PLA2G4D: variants seen among roughly 807,000 people sequenced by gnomAD.
PLA2G4D encodes the protein phospholipase A2 group IVD.
Under a neutral mutation model 94.4 loss-of-function variants are expected in PLA2G4D, and 80 were observed. The observed-to-expected ratio is 0.85, with a 90% CI of 0.71 to 1.02. The LOEUF is 1.02. Ranked by LOEUF, PLA2G4D falls within the 50% of genes least tolerant of loss-of-function variation. PLA2G4D has a pLI of 0.00. For missense variants in PLA2G4D, 1,050 were observed against 1,034.7 expected (o/e 1.01, Z -0.20); for synonymous variants, 438 against 440.9 (o/e 0.99, Z 0.08).
At chr15:42,079,796 G>C (rs1248241982) in intron 12 of PLA2G4D, 37 bp from the exon 13 acceptor site, 10 of 1,570,932 alleles carry the variant, frequency 6.4e-6, no homozygotes, top group Non-Finnish European at 8.6e-6. Flanking sequence ...AGGAGCCCGA[G>C]GCCCAGCATG....
chr15:42,075,003 A>G (rs1889890023), intron 13 of PLA2G4D, among the ~76,000 whole-genome samples: 1 of 152,220 alleles, frequency 6.6e-6, no homozygotes, highest in African/African-American at 2.4e-5. Flanking sequence ...AACTCACTGC[A>G]GCCTCAACCT....
rs529998904 is a variant in PLA2G4D, at chr15:42,082,924, A to T, written c.672+274T>A. 2.6e-5 allele frequency among the ~76,000 whole-genome samples: 4 copies of T among 152,328 alleles called. No homozygotes were observed. In the South Asian group the frequency reaches 8.3e-4, roughly 32 times the overall value. On this transcript the variant is annotated intron_variant, in intron 8 of 19. Coordinates refer to ENST00000290472, the MANE Select transcript of PLA2G4D (RefSeq NM_178034.4). ...GAGGTGGACGGGTGCCAGGCTGTGC[A>T]GGGCCATGTGGGCACAGATGTCATG...
At chr15:42,083,981 G>A in intron 6 of PLA2G4D, 1 of 579,644 alleles carries the variant, frequency 1.7e-6, no homozygotes. Flanking sequence ...CAGCAGCCAG[G>A]AGGGCCCTGG....
chr15:42,081,889 T>G, intron 9 of PLA2G4D, 55 bp from the exon 10 acceptor site: 1 of 1,584,180 alleles, frequency 6.3e-7, no homozygotes. Context: ...AAGCGGCACA[T>G]GGGTATCCCT....
At chr15:42,077,976 G>A (rs1264207092) in intron 13 of PLA2G4D, among the ~76,000 whole-genome samples, 1 of 152,236 alleles carries the variant, frequency 6.6e-6, no homozygotes, top group Non-Finnish European at 1.5e-5. Context: ...TATCATGACA[G>A]TTTACTCATT....
chr15:42,071,296 G>A lies in PLA2G4D; in HGVS notation c.1703C>T (p.Ser568Leu), dbSNP rs200157738. Reference protein sequence around the residue: ...RSLEKEPLTTSGTSSRLEASW... With the variant: ...RSLEKEPLTTLGTSSRLEASW... ...GGCCTCCAGCCGCGAGGAGGTCCCC[G>A]AGGTGGTCAGGGGCTCCTTCTCTGA... The change falls in exon 17 of 20, where the codon TCG becomes TTG. Residue 568 changes from serine to leucine, a missense_variant. By Grantham distance (145) the Ser-to-Leu change is moderately radical. Coordinates refer to ENST00000290472, the MANE Select transcript of PLA2G4D (RefSeq NM_178034.4). 135 of 1,592,384 alleles carry A rather than the reference G, an allele frequency of 8.5e-5. No homozygotes were observed. Among genetic ancestry groups the A allele is most frequent in the Middle Eastern group, 1.7e-4 (1 of 5,954 alleles).
In PLA2G4D at chr15:42,081,624, T is replaced by C; in HGVS notation, c.822-10A>G. On this transcript the variant is annotated splice_polypyrimidine_tract_variant and intron_variant, in intron 10 of 19. Transcript: ENST00000290472. ...GGCCAGCTCCTCAGGGCTGTGGCAA[T>C]GGAGGATCCAGGGGTCAGGGGACAC... 1 of 1,613,784 alleles carries C rather than the reference T, an allele frequency of 6.2e-7. No homozygotes were observed. The highest frequency in any genetic ancestry group is 8.5e-7 in the Non-Finnish European group (1 of 1,179,776).
intron 3 of PLA2G4D, 62 bp from the exon 4 acceptor site, chr15:42,086,406 G>T: frequency 6.4e-7 from 1 of 1,555,534 alleles, no homozygotes; most frequent in Non-Finnish European, 8.8e-7. Context: ...GCTCACCTCT[G>T]TTGAGCCCTT....
In PLA2G4D at chr15:42,083,186, G is replaced by C. The variant is rs762262407; in HGVS notation, c.672+12C>G. 6.2e-7 allele frequency: 1 copy of C among 1,611,606 alleles called. No individual in the cohort carries two copies. The highest frequency in any genetic ancestry group is 2.2e-5 in the East Asian group (1 of 44,872). ...CCTAGGATTGCAAACGAGGTCTAGA[G>C]CCAAGACCCACCCTCAGGCGCCCGC... On this transcript the variant is annotated intron_variant, in intron 8 of 19. Coordinates refer to ENST00000290472, the MANE Select transcript of PLA2G4D (RefSeq NM_178034.4).
rs1038664153 is a variant in PLA2G4D at position 42,068,507 on chromosome 15, G to A, written c.*208C>T. 22 of 589,446 alleles carry A rather than the reference G, an allele frequency of 3.7e-5. No homozygotes were observed. Among genetic ancestry groups the A allele is most frequent in the South Asian group, 2.2e-4 (11 of 49,190 alleles). 36.5% of individuals were successfully genotyped at this position (589,446 alleles called of 1,614,324 possible). ...CAGCTGTTCTACACACTGGCCTGGC[G>A]AAGTTATTTTCAACTCATCTCAAGC... On this transcript the variant is annotated 3_prime_UTR_variant, in exon 20 of 20. Coordinates refer to ENST00000290472, the MANE Select transcript of PLA2G4D (RefSeq NM_178034.4).
chr15:42,083,635 C>A, intron 7 of PLA2G4D, 81 bp downstream of exon 7: 1 of 1,536,106 alleles, frequency 6.5e-7, no homozygotes, highest in Non-Finnish European at 9.0e-7. Context: ...TGCTGGCCTC[C>A]TGCCCTGCGC....
intron 8 of PLA2G4D, 87 bp from the exon 9 acceptor site, chr15:42,082,476 T>G: frequency 1.2e-6 from 1 of 837,332 alleles, no homozygotes; most frequent in East Asian, 2.5e-5. Context: ...ACAGACACAT[T>G]CTCCCTGATA....
intron 1 of PLA2G4D, among the ~76,000 whole-genome samples, chr15:42,093,549 G>C (rs988964086): frequency 1.3e-5 from 2 of 152,150 alleles, no homozygotes; most frequent in African/African-American, 4.8e-5. Context: ...TGTCTGACTC[G>C]TGGGTGGATC....
chr15:42,083,613 G>A, intron 7 of PLA2G4D, 103 bp downstream of exon 7: 1 of 1,402,204 alleles, frequency 7.1e-7, no homozygotes, highest in Non-Finnish European at 1.0e-6. Flanking sequence ...AGAGAGGCAA[G>A]CTCTACCCTG....
chr15:42,072,454 G>T, intron 13 of PLA2G4D, 62 bp from the exon 14 acceptor site: 4 of 1,365,848 alleles, frequency 2.9e-6, no homozygotes, highest in East Asian at 2.3e-5. Context: ...CAGTGGCTCC[G>T]CCAGGACAGG....
At chr15:42,071,654 A>ACCCCCCC in intron 15 of PLA2G4D, 103 bp from the exon 16 acceptor site, 2 of 1,393,888 alleles carry the variant, frequency 1.4e-6, no homozygotes, top group Non-Finnish European at 2.0e-6. Flanking sequence ...CCTACAATGC[A>ACCCCCCC]TCCCCCCCGC....
Position 42,079,727 on chromosome 15 carries a change from CA to C in PLA2G4D, c.1126del (p.Trp376GlyfsTer55). 1 of 1,606,894 alleles carries C rather than the reference CA, an allele frequency of 6.2e-7. No individual in the cohort carries two copies. Among genetic ancestry groups the C allele is most frequent in the Non-Finnish European group, 8.5e-7 (1 of 1,177,504 alleles). On this transcript the variant is annotated frameshift_variant, in exon 13 of 20. Coordinates refer to ENST00000290472, the MANE Select transcript of PLA2G4D (RefSeq NM_178034.4). LOFTEE classifies it high-confidence loss of function. ...AGGTCCCTCCAGGTCCCTCTGCGAC[CA>C]CTCAGGGTCCCCGTACAGGTGGGCC... ...TMAHLYGDPE[W>X]SQRDLEGPIR...
At chr15:42,068,989 A>G (rs951844375) in intron 19 of PLA2G4D, 48 bp from the exon 20 acceptor site, 1 of 1,536,784 alleles carries the variant, frequency 6.5e-7, no homozygotes, top group Admixed American at 1.9e-5. Context: ...CGGGGCTTCT[A>G]CAGCCTGGCA....
In PLA2G4D at chr15:42,082,353, C is replaced by T; in HGVS notation, c.709G>A (p.Ala237Thr). The T allele has an allele frequency of 1.2e-6, 2 of 1,614,160 alleles. No homozygotes were observed. The highest frequency in any genetic ancestry group is 3.3e-5 in the Admixed American group (2 of 60,022). ...RSNGWNGDNS[A>T]GYLTVPLRPL... The stretch of plus-strand genomic sequence containing the variant: ...CTCAGGGGCACAGTGAGGTACCCAG[C>T]TGAGTTGTCCCCATTCCAGCCATTG... The change falls in exon 9 of 20, where the codon GCT (alanine) becomes ACT (threonine). Residue 237 changes from alanine (A) to threonine (T), a missense_variant. Coordinates refer to ENST00000290472, the MANE Select transcript of PLA2G4D (RefSeq NM_178034.4).
Sources: gnomAD v4.1 joint callset for allele counts (sites outside exome capture counted in the v4.1 genomes callset) on GRCh38, gnomAD v4.1.1 for gene constraint, MANE v1.5 for transcripts, NCBI Gene and HGNC (gene_info 2026-07-23, HGNC 2026-07-21) for gene names.